ESCO2: variants seen among roughly 807,000 people sequenced by gnomAD.
The protein encoded by ESCO2 is N-acetyltransferase ESCO2.
A neutral mutation model predicts 61.7 loss-of-function variants in ESCO2; 51 were observed. The ratio of observed to expected loss-of-function variants is 0.83; its 90% CI spans 0.66 to 1.04. The LOEUF (loss-of-function observed/expected upper bound fraction) is 1.04. Ranked by LOEUF, ESCO2 falls within the 50% of genes least tolerant of loss-of-function variation. The probability of loss-of-function intolerance (pLI) is 0.00; values close to 1 mark genes in which losing one functional copy is unlikely to be tolerated. For synonymous variants in ESCO2, 230 were observed against 238.2 expected (o/e 0.97, Z 0.32); for missense variants, 692 against 686.2 (o/e 1.01, Z -0.09).
downstream of ESCO2, chr8:27,808,160 T>A: frequency 9.8e-7 from 1 of 1,022,510 alleles, no homozygotes; most frequent in Non-Finnish European, 1.3e-6. Flanking sequence ...TTGTCTAGTT[T>A]AAAATCCTTT....
downstream of ESCO2, chr8:27,812,467 A>C (rs1368265199): frequency 1.3e-5 from 2 of 152,158 alleles, no homozygotes; most frequent in Non-Finnish European, 2.9e-5. Context: ...AAGCCAAAAC[A>C]GACAAATGGG....
chr8:27,806,186 A>G (rs575426058), downstream of ESCO2, among the ~76,000 whole-genome samples: 1 of 152,332 alleles, frequency 6.6e-6, no homozygotes, highest in East Asian at 1.9e-4. Context: ...TGCTCAGTTA[A>G]GATGGAAAAG....
chr8:27,791,456 A>G (rs768599458), intron 7 of ESCO2, among the ~76,000 whole-genome samples: 4 of 152,210 alleles, frequency 2.6e-5, no homozygotes, highest in African/African-American at 9.7e-5. Flanking sequence ...ATATTTCAGT[A>G]TCATTCAAAG....
chr8:27,816,560 TAG>T (rs1322243700), downstream of ESCO2, among the ~76,000 whole-genome samples: 1 of 151,632 alleles, frequency 6.6e-6, no homozygotes, highest in Non-Finnish European at 1.5e-5. Context: ...GTATTTTTAG[TAG>T]AGACGGGGTT....
chr8:27,805,933 G>T (rs1805554678), downstream of ESCO2, among the ~76,000 whole-genome samples: 1 of 152,128 alleles, frequency 6.6e-6, no homozygotes, highest in Admixed American at 6.5e-5. Flanking sequence ...CACCCAGCCA[G>T]ATCTTGCTTA....
rs1805501317 is a variant in ESCO2, at chr8:27,803,569, C to CACAT, written c.*134_*135insTACA. On this transcript the variant is annotated 3_prime_UTR_variant, in exon 11 of 11. Coordinates refer to ENST00000305188, the MANE Select transcript of ESCO2 (RefSeq NM_001017420.3). Reference sequence around the variant, plus strand: ...ACTCATACACACACACACACACACGCACACACACATATCACAGTTTTGTTC... The same window carrying CACAT: ...ACTCATACACACACACACACACACGCACATACACACACATATCACAGTTTTGTTC... 2 of 1,465,488 alleles carry CACAT rather than the reference C, an allele frequency of 1.4e-6. No individual in the cohort carries two copies. Among genetic ancestry groups the CACAT allele is most frequent in the Non-Finnish European group, 1.8e-6 (2 of 1,117,462 alleles). 90.8% of individuals were successfully genotyped at this position (1,465,488 alleles called of 1,614,324 possible). A position where few individuals can be genotyped will look rare whatever the true frequency, so the allele number is the denominator to read the frequency against.
chr8:27,811,337 C>T, downstream of ESCO2: 1 of 605,526 alleles, frequency 1.7e-6, no homozygotes, highest in Non-Finnish European at 2.9e-6. Context: ...GGTCAGTTGG[C>T]AGGTATGTAG....
chr8:27,772,595 A>G, upstream of ESCO2: 1 of 1,533,374 alleles, frequency 6.5e-7, no homozygotes, highest in Non-Finnish European at 8.8e-7. Flanking sequence ...TCAACTCACG[A>G]AGCTCAGGAT....
intron 10 of ESCO2, among the ~76,000 whole-genome samples, chr8:27,800,657 A>G (rs1003578033): frequency 1.3e-5 from 2 of 152,244 alleles, no homozygotes; most frequent in African/African-American, 2.4e-5. Flanking sequence ...ATGAAGGTTC[A>G]TAGCAGGATT....
At chr8:27,789,208 GTGT>G (rs1459574419) in intron 7 of ESCO2, among the ~76,000 whole-genome samples, 4 of 152,216 alleles carry the variant, frequency 2.6e-5, no homozygotes, top group African/African-American at 9.6e-5. Flanking sequence ...TCCCACTATA[GTGT>G]TGTCTTTATA....
rs1805512767 is a variant in ESCO2 at position 27,804,079 on chromosome 8, A to C, written c.*641A>C. 3 of 985,316 alleles carry C rather than the reference A, an allele frequency of 3.0e-6. No homozygotes were observed. The highest frequency in any genetic ancestry group is 3.6e-6 in the Non-Finnish European group (3 of 829,964). 61.0% of individuals were successfully genotyped at this position (985,316 alleles called of 1,614,324 possible). ...CTTCACTTGATAGGCACTCGTCTGT[A>C]GTAACTCAGTTTGAATATCTTTAGA... On this transcript the variant is annotated 3_prime_UTR_variant, in exon 11 of 11. Coordinates refer to ENST00000305188, the MANE Select transcript of ESCO2 (RefSeq NM_001017420.3).
chr8:27,803,154 A>G (rs2128959055), intron 10 of ESCO2, 152 bp from the exon 11 acceptor site: 1 of 692,690 alleles, frequency 1.4e-6, no homozygotes. Context: ...GTGAAATGAT[A>G]TCATTAGACT....
intron 10 of ESCO2, among the ~76,000 whole-genome samples, chr8:27,802,674 A>ATATG (rs1563482499): frequency 7.3e-5 from 9 of 122,674 alleles, no homozygotes; most frequent in Non-Finnish European, 1.5e-4. Context: ...ATATATATAT[A>ATATG]GTTACTGCTT....
chr8:27,775,637 T>C, intron 2 of ESCO2, 70 bp downstream of exon 2: 3 of 1,536,946 alleles, frequency 2.0e-6, no homozygotes, highest in Non-Finnish European at 2.7e-6. Context: ...TCTCTCCTAT[T>C]TTCTAAAATT....
intron 10 of ESCO2, among the ~76,000 whole-genome samples, chr8:27,800,857 T>C (rs1805407697): frequency 6.6e-6 from 1 of 152,158 alleles, no homozygotes; most frequent in South Asian, 2.1e-4. Context: ...TCGCACATTG[T>C]ATGATTATAT....
chr8:27,779,765 G>C (rs985155877), intron 3 of ESCO2: 1 of 197,268 alleles, frequency 5.1e-6, no homozygotes, highest in African/African-American at 2.4e-5. Context: ...CCGCCTCCTG[G>C]GTTCAAGCAA....
intron 10 of ESCO2, 145 bp downstream of exon 10, chr8:27,799,861 T>C: frequency 1.0e-6 from 1 of 961,742 alleles, no homozygotes; most frequent in South Asian, 1.5e-5. Context: ...GTATTGGTAC[T>C]AGAAAAACCA....
At chr8:27,807,782 C>G (rs1420119187), downstream of ESCO2, among the ~76,000 whole-genome samples, 1 of 152,114 alleles carries the variant, frequency 6.6e-6, no homozygotes, top group African/African-American at 2.4e-5. Context: ...ATGTTGAAAC[C>G]CTGTCCCCCA....
chr8:27,811,907 A>C (rs1038674449), downstream of ESCO2: 3 of 152,142 alleles, frequency 2.0e-5, no homozygotes, highest in Admixed American at 1.3e-4. Flanking sequence ...TTGTAAATAG[A>C]TTTTAAACAA....
Sources: gnomAD v4.1 joint callset for allele counts (sites outside exome capture counted in the v4.1 genomes callset) on GRCh38, gnomAD v4.1.1 for gene constraint, MANE v1.5 for transcripts, NCBI Gene and HGNC (gene_info 2026-07-23, HGNC 2026-07-21) for gene names.